Variants in SYNPR observed in about 807,000 individuals in gnomAD.
SYNPR encodes synaptoporin.
Under a neutral mutation model 32.9 loss-of-function variants are expected in SYNPR, and 23 were observed. That is an observed-to-expected ratio of 0.70 (90% CI 0.50 to 0.99). SYNPR has a LOEUF of 0.99. Ranked by LOEUF, SYNPR falls within the 50% of genes least tolerant of loss-of-function variation. SYNPR has a pLI of 0.00. For synonymous variants in SYNPR, 146 were observed against 135.9 expected, an observed-to-expected ratio of 1.07 and a Z score of -0.52; for missense variants, 318 against 349.3, an observed-to-expected ratio of 0.91 and a Z score of 0.71.
At chr3:63,469,514 A>G (rs1280330406) in intron 2 of SYNPR, among the ~76,000 whole-genome samples, 2 of 152,238 alleles carry the variant, frequency 1.3e-5, no homozygotes, top group African/African-American at 4.8e-5. Context: ...GTTCAAAAAC[A>G]CTACCATAGG....
chr3:63,502,494 T>C (rs2106738857), intron 3 of SYNPR, among the ~76,000 whole-genome samples: 1 of 152,270 alleles, frequency 6.6e-6, no homozygotes, highest in South Asian at 2.1e-4. Flanking sequence ...ATCACCACTA[T>C]AGTACTATAT....
Position 63,615,134 on chromosome 3 carries a change from C to T in SYNPR, c.601-90C>T, listed in dbSNP as rs1002996454. 7 of 1,438,236 alleles carry T rather than the reference C, an allele frequency of 4.9e-6. No individual in the cohort carries two copies. The African/African-American group carries it at 5.7e-5, about 12-fold the overall frequency. The allele number at this position is 1,438,236 out of a possible 1,614,324, so 89.1% of individuals were successfully genotyped here. On this transcript the variant is annotated intron_variant, in intron 5 of 5. Transcript: ENST00000478300. Reference sequence around the variant, plus strand: ...ACTCAACATTAAAGTGAAAAGTGATCTTTTGTATTGTGAAGGATTTTTCCA... The same window carrying T: ...ACTCAACATTAAAGTGAAAAGTGATTTTTTGTATTGTGAAGGATTTTTCCA...
chr3:63,582,160 C>T (rs1703104551), intron 4 of SYNPR, among the ~76,000 whole-genome samples: 1 of 151,990 alleles, frequency 6.6e-6, no homozygotes, highest in Non-Finnish European at 1.5e-5. Context: ...ATTTTAGTAA[C>T]AGTGAAAAAG....
intron 2 of SYNPR, among the ~76,000 whole-genome samples, chr3:63,344,547 A>T (rs1269772256): frequency 7.8e-6 from 1 of 128,438 alleles, no homozygotes; most frequent in Non-Finnish European, 1.6e-5. Flanking sequence ...ATATTCAAAA[A>T]AGATTTTTTT....
intron 2 of SYNPR, among the ~76,000 whole-genome samples, chr3:63,341,043 T>C (rs1253061358): frequency 6.6e-6 from 1 of 152,218 alleles, no homozygotes; most frequent in African/African-American, 2.4e-5. Context: ...CATCTCTCTC[T>C]TCCTTCTTCC....
intron 3 of SYNPR, among the ~76,000 whole-genome samples, chr3:63,509,798 A>G (rs1701660377): frequency 6.6e-6 from 1 of 152,180 alleles, no homozygotes; most frequent in Non-Finnish European, 1.5e-5. Context: ...TTAGCATGGT[A>G]TCTTGAAATC....
At position 63,328,655 on chromosome 3, in the gene SYNPR, A is replaced by G. The variant is rs76625330; in HGVS notation, c.84+49913A>G. 1.0e-2 allele frequency among the ~76,000 whole-genome samples: 1,521 copies of G among 152,270 alleles called. 25 individuals are homozygous for G. The highest frequency in any genetic ancestry group is 0.033 in the African/African-American group (1,385 of 41,564). On this transcript the variant is annotated intron_variant, in intron 2 of 5. Coordinates refer to ENST00000478300, the MANE Select transcript of SYNPR (RefSeq NM_001130003.2). ...GCAGGAGAGCTGTGGATGCCTGGAC[A>G]CTGTGGACCTGAAAAATAAACATCC... is the stretch of plus-strand genomic sequence containing the variant.
Position 63,290,086 on chromosome 3 carries a change from C to T in SYNPR, c.84+11344C>T, listed in dbSNP as rs145941795. ...CAGAGCTTGCAGTGAGCAGAGATCA[C>T]GCCATGGCACTCCAGCCTGGGTGAC... On this transcript the variant is annotated intron_variant, in intron 2 of 5. Coordinates refer to ENST00000478300, the MANE Select transcript of SYNPR (RefSeq NM_001130003.2). Among the ~76,000 whole-genome samples the T allele has an allele frequency of 4.1e-3, 622 of 150,926 alleles. 1 individual carries two copies. The highest frequency in any genetic ancestry group is 0.01 in the Middle Eastern group (3 of 292).
At chr3:63,441,716 C>G (rs1247182125) in intron 2 of SYNPR, among the ~76,000 whole-genome samples, 1 of 152,110 alleles carries the variant, frequency 6.6e-6, no homozygotes, top group African/African-American at 2.4e-5. Flanking sequence ...AGGTTCCTAT[C>G]AGAATTTCAA....
At chr3:63,340,336 T>C (rs1010715706) in intron 2 of SYNPR, among the ~76,000 whole-genome samples, 2 of 151,990 alleles carry the variant, frequency 1.3e-5, no homozygotes, top group Non-Finnish European at 2.9e-5. Context: ...TAAAATGTTT[T>C]AAACATAAAG....
At chr3:63,570,754 T>A (rs556109987) in intron 4 of SYNPR, among the ~76,000 whole-genome samples, 2 of 152,338 alleles carry the variant, frequency 1.3e-5, no homozygotes, top group Admixed American at 6.5e-5. Context: ...CCTTGCACTT[T>A]CATTGGATGT....
At chr3:63,228,333 T>C (rs898744068) in exon 1 of SYNPR, 1 of 152,170 alleles carries the variant, frequency 6.6e-6, no homozygotes, top group Non-Finnish European at 1.5e-5. Context: ...TCAGTGGCCT[T>C]GGAGAAGGAA....
At chr3:63,234,172 C>G (rs1388773527) in intron 1 of SYNPR, among the ~76,000 whole-genome samples, 1 of 152,150 alleles carries the variant, frequency 6.6e-6, no homozygotes, top group African/African-American at 2.4e-5. Flanking sequence ...CAAGTCACGT[C>G]TTACATGGAT....
rs115252211 is a variant in SYNPR, at chr3:63,504,319, C to A, written c.209+23363C>A. On this transcript the variant is annotated intron_variant, in intron 3 of 5. Coordinates refer to ENST00000478300, the MANE Select transcript of SYNPR (RefSeq NM_001130003.2). The stretch of plus-strand genomic sequence containing the variant: ...AATCTCAACAACTGTCTGAAGCTCG[C>A]AAAATAATTTTTTATAAAGAGATAT... 8.1e-3 allele frequency among the ~76,000 whole-genome samples: 1,236 copies of A among 152,172 alleles called. 17 individuals are homozygous for A. Among genetic ancestry groups the A allele is most frequent in the African/African-American group, 0.028 (1,145 of 41,506 alleles).
chr3:63,253,539 AT>A (rs993534951), intron 2 of SYNPR, among the ~76,000 whole-genome samples: 1 of 152,208 alleles, frequency 6.6e-6, no homozygotes, highest in African/African-American at 2.4e-5. Context: ...GATGTATAAG[AT>A]TTTTAAATAA....
chr3:63,276,486 G>A (rs2086574753), upstream of SYNPR, among the ~76,000 whole-genome samples: 1 of 152,162 alleles, frequency 6.6e-6, no homozygotes, highest in Admixed American at 6.5e-5. Context: ...AAACAGTTAA[G>A]ATAGGTATTT....
chr3:63,490,233 C>T (rs1028906253), intron 3 of SYNPR, among the ~76,000 whole-genome samples: 2 of 151,804 alleles, frequency 1.3e-5, no homozygotes, highest in Non-Finnish European at 2.9e-5. Flanking sequence ...AGTCTGAGAA[C>T]CAGCAAAGAA....
At chr3:63,464,342 C>A (rs1266651455) in intron 2 of SYNPR, among the ~76,000 whole-genome samples, 3 of 152,140 alleles carry the variant, frequency 2.0e-5, no homozygotes, top group Admixed American at 6.5e-5. Flanking sequence ...AAAGGATGGT[C>A]CCTGCCTCAA....
At chr3:63,350,213 T>TACACACAC (rs67609911) in intron 2 of SYNPR, among the ~76,000 whole-genome samples, 33 of 144,822 alleles carry the variant, frequency 2.3e-4, no homozygotes, top group African/African-American at 6.9e-4. Flanking sequence ...AATATTATTC[T>TACACACAC]ACACACACAC....
Sources: gnomAD v4.1 joint callset for allele counts (sites outside exome capture counted in the v4.1 genomes callset) on GRCh38, gnomAD v4.1.1 for gene constraint, MANE v1.5 for transcripts, NCBI Gene and HGNC (gene_info 2026-07-23, HGNC 2026-07-21) for gene names.